The following SMG7 variants were observed in gnomAD, a reference collection of about 807,000 sequenced individuals.
The protein encoded by SMG7 is nonsense-mediated mRNA decay factor SMG7.
In SMG7, 34 loss-of-function variants were observed where a neutral mutation model predicts 148.2. That is an observed-to-expected ratio of 0.23 (90% CI 0.17 to 0.31). The LOEUF is 0.31. SMG7 is among the 10% of genes least tolerant of loss of function. SMG7 has a pLI of 1.00. For missense variants in SMG7, 1,114 were observed against 1,408.4 expected (o/e 0.79, Z 3.35); for synonymous variants, 492 against 515.1 (o/e 0.96, Z 0.61).
intron 1 of SMG7, 45 bp downstream of exon 1, chr1:183,472,694 G>T: frequency 6.9e-7 from 1 of 1,445,652 alleles, no homozygotes. Flanking sequence ...GCGGGCCGCA[G>T]GTTGGGGCAT....
At chr1:183,486,399 T>C (rs1452677305) in intron 1 of SMG7, among the ~76,000 whole-genome samples, 1 of 152,192 alleles carries the variant, frequency 6.6e-6, no homozygotes, top group Non-Finnish European at 1.5e-5. Flanking sequence ...AAAAACTGTA[T>C]AAACTGTGTC....
Position 183,551,993 on chromosome 1 carries a change from C to A in SMG7, c.*62C>A. 1 of 1,555,678 alleles carries A rather than the reference C, an allele frequency of 6.4e-7. No homozygotes were observed. Among genetic ancestry groups the A allele is most frequent in the South Asian group, 1.2e-5 (1 of 83,448 alleles). ...ACCATGGCATGTTGGGTTTGCAGGA[C>A]TGGCCCACACAGTCCCCTGCAGGTG... On this transcript the variant is annotated 3_prime_UTR_variant, in exon 23 of 23. Coordinates refer to ENST00000688051, the MANE Select transcript of SMG7 (RefSeq NM_001375584.1).
intron 3 of SMG7, 112 bp from the exon 4 acceptor site, chr1:183,517,576 T>C (rs1302339444): frequency 1.0e-6 from 1 of 986,032 alleles, no homozygotes; most frequent in East Asian, 2.4e-5. Flanking sequence ...AATGCAGGTT[T>C]ACTGTCTCGT....
intron 1 of SMG7, among the ~76,000 whole-genome samples, chr1:183,498,739 G>A (rs921043311): frequency 6.6e-6 from 1 of 152,116 alleles, no homozygotes; most frequent in Admixed American, 6.5e-5. Context: ...GTTATAACTC[G>A]TGAACTTACA....
intron 4 of SMG7, among the ~76,000 whole-genome samples, chr1:183,522,191 C>T (rs963428278): frequency 6.6e-6 from 1 of 152,048 alleles, no homozygotes; most frequent in Non-Finnish European, 1.5e-5. Context: ...TGTTTGACAT[C>T]TAAGTAGAGA....
intron 1 of SMG7, among the ~76,000 whole-genome samples, chr1:183,488,682 CTTTTTTTTTTT>C (rs55662555): frequency 6.7e-5 from 5 of 75,108 alleles, no homozygotes; most frequent in Admixed American, 5.7e-4. Flanking sequence ...GTTTATAAGG[CTTTTTTTTTTT>C]TTTTTTTTTT....
intron 1 of SMG7, among the ~76,000 whole-genome samples, chr1:183,486,901 C>T (rs759399944): frequency 2.0e-5 from 3 of 152,190 alleles, no homozygotes; most frequent in African/African-American, 4.8e-5. Context: ...TGGGTCTCTC[C>T]AGGTTGCTCA....
chr1:183,547,048 C>T (rs1670048692), intron 17 of SMG7, 55 bp from the exon 18 acceptor site: 1 of 1,497,896 alleles, frequency 6.7e-7, no homozygotes, highest in African/African-American at 1.4e-5. Context: ...GCTACTATTC[C>T]TTTATGCTTT....
At chr1:183,533,953 A>T in intron 10 of SMG7, 121 bp downstream of exon 10, 1 of 766,670 alleles carries the variant, frequency 1.3e-6, no homozygotes, top group South Asian at 2.2e-5. Context: ...TTTTCTGCCG[A>T]CTCTCGGGAA....
chr1:183,523,504 A>G (rs886527014), intron 4 of SMG7, among the ~76,000 whole-genome samples: 1 of 152,232 alleles, frequency 6.6e-6, no homozygotes, highest in African/African-American at 2.4e-5. Context: ...ATACTTCTGT[A>G]TAATGAAGTA....
intron 14 of SMG7, 24 bp from the exon 15 acceptor site, chr1:183,544,329 T>C (rs1439896399): frequency 1.2e-6 from 2 of 1,602,638 alleles, no homozygotes; most frequent in Admixed American, 1.7e-5. Context: ...TTATTATAGA[T>C]AGTTTTGCTT....
intron 3 of SMG7, 49 bp from the exon 4 acceptor site, chr1:183,517,639 T>A (rs764080668): frequency 5.6e-6 from 9 of 1,598,434 alleles, no homozygotes; most frequent in Non-Finnish European, 7.7e-6. Flanking sequence ...GACCAGTGTC[T>A]GCCCAGTGAG....
At chr1:183,479,604 A>G (rs1468601508) in intron 1 of SMG7, among the ~76,000 whole-genome samples, 1 of 152,208 alleles carries the variant, frequency 6.6e-6, no homozygotes, top group Non-Finnish European at 1.5e-5. Context: ...GACATTATCC[A>G]TAAACATTTG....
intron 1 of SMG7, among the ~76,000 whole-genome samples, chr1:183,502,899 A>G (rs1250025548): frequency 1.3e-5 from 2 of 152,216 alleles, no homozygotes; most frequent in Admixed American, 6.5e-5. Flanking sequence ...ATTAGTAACT[A>G]TTGCTACAGC....
chr1:183,479,594 G>A (rs1653562397), intron 1 of SMG7, among the ~76,000 whole-genome samples: 1 of 152,136 alleles, frequency 6.6e-6, no homozygotes, highest in Non-Finnish European at 1.5e-5. Flanking sequence ...ACCATAGGCA[G>A]ACATTATCCA....
chr1:183,533,846 G>C lies in SMG7; in HGVS notation c.1163+14G>C, dbSNP rs371546302. 105 of 1,589,322 alleles carry C rather than the reference G, an allele frequency of 6.6e-5. No individual in the cohort carries two copies. In the African/African-American group the frequency reaches 1.3e-3, roughly 20 times the overall value. On this transcript the variant is annotated intron_variant, in intron 10 of 22. Coordinates refer to ENST00000688051, the MANE Select transcript of SMG7 (RefSeq NM_001375584.1). ...TGAAAGACAGTAGTAAGTATTTTTA[G>C]AATTTCATGTTAACTTGTGTGCTTT...
intron 1 of SMG7, among the ~76,000 whole-genome samples, chr1:183,485,447 T>C (rs1273280225): frequency 1.3e-5 from 2 of 152,198 alleles, no homozygotes; most frequent in African/African-American, 4.8e-5. Flanking sequence ...TTCTTGTATA[T>C]TTGAAATTAA....
At chr1:183,535,537 A>T (rs1667604250) in intron 10 of SMG7, among the ~76,000 whole-genome samples, 1 of 152,214 alleles carries the variant, frequency 6.6e-6, no homozygotes, top group Non-Finnish European at 1.5e-5. Context: ...CACTAAAGTT[A>T]TAATGTTCAT....
chr1:183,526,792 GATA>G (rs1558025677), intron 5 of SMG7, 25 bp downstream of exon 5: 22 of 1,578,980 alleles, frequency 1.4e-5, no homozygotes, highest in Non-Finnish European at 1.8e-5. Context: ...TGAAGGAATT[GATA>G]ATATGTTCCT....
Sources: allele counts gnomAD v4.1 joint callset (sites outside exome capture counted in the v4.1 genomes callset), GRCh38; gene constraint gnomAD v4.1.1; transcripts MANE v1.5; gene names NCBI Gene and HGNC (gene_info 2026-07-23, HGNC 2026-07-21).